ATP6V0D2: variants seen among roughly 807,000 people sequenced by gnomAD.
The protein encoded by ATP6V0D2 is ATPase H+ transporting V0 subunit d2.
In ATP6V0D2, 40 loss-of-function variants were observed where a neutral mutation model predicts 40.0. That is an observed-to-expected ratio of 1.00 (90% CI 0.78 to 1.30). ATP6V0D2 has a LOEUF of 1.30. ATP6V0D2 is among the 50% of genes most tolerant of loss of function. The pLI, the probability that ATP6V0D2 is intolerant of heterozygous loss-of-function variation, is 0.00. For synonymous variants in ATP6V0D2, 179 were observed against 156.3 expected (o/e 1.15, Z -1.08); for missense variants, 470 against 423.1 (o/e 1.11, Z -0.97).
intron 5 of ATP6V0D2, among the ~76,000 whole-genome samples, chr8:86,149,838 G>A (rs1005447085): frequency 1.2e-4 from 18 of 152,102 alleles, no homozygotes; most frequent in African/African-American, 4.3e-4. Context: ...AGACACATGA[G>A]GAATTCATTG....
chr8:86,150,930 T>A (rs1489505157), intron 6 of ATP6V0D2, among the ~76,000 whole-genome samples: 1 of 152,174 alleles, frequency 6.6e-6, no homozygotes, highest in Non-Finnish European at 1.5e-5. Flanking sequence ...AGAATGACAC[T>A]CATCTTTTCC....
intron 2 of ATP6V0D2, among the ~76,000 whole-genome samples, chr8:86,115,357 C>CTTTTTTT (rs1586088786): frequency 2.5e-5 from 2 of 79,500 alleles, no homozygotes; most frequent in African/African-American, 1.2e-4. Flanking sequence ...CCGTATCATC[C>CTTTTTTT]ATTTTTTTTT....
intron 1 of ATP6V0D2, among the ~76,000 whole-genome samples, chr8:86,104,482 A>G (rs1166379928): frequency 6.6e-6 from 1 of 152,230 alleles, no homozygotes; most frequent in Non-Finnish European, 1.5e-5. Flanking sequence ...AAGGGGAAGA[A>G]CCAGGTGTGG....
At chr8:86,115,887 G>A (rs982665987) in intron 2 of ATP6V0D2, among the ~76,000 whole-genome samples, 2 of 151,984 alleles carry the variant, frequency 1.3e-5, no homozygotes, top group African/African-American at 4.8e-5. Context: ...ATCTAAATAC[G>A]GCAAACAGAA....
chr8:86,106,194 G>A lies in ATP6V0D2; in HGVS notation c.130+7086G>A, dbSNP rs116196467. 9.8e-3 allele frequency among the ~76,000 whole-genome samples: 1,486 copies of A among 151,810 alleles called. 24 individuals carry two copies. The highest frequency in any genetic ancestry group is 0.034 in the African/African-American group (1,394 of 41,376). On this transcript the variant is annotated intron_variant, in intron 1 of 7. Transcript: ENST00000285393. ...GCCAGGGAATGCAGTAGTGGGTAGCGTGATCATGGCTCAATGCAGCCTCAA... is the reference window on the plus strand; with the variant it reads ...GCCAGGGAATGCAGTAGTGGGTAGCATGATCATGGCTCAATGCAGCCTCAA...
chr8:86,126,262 A>ATATATATATATATATC (rs1191399026), intron 2 of ATP6V0D2, among the ~76,000 whole-genome samples: 3 of 131,338 alleles, frequency 2.3e-5, no homozygotes, highest in Admixed American at 7.7e-5. Flanking sequence ...ATATATATAT[A>ATATATATATATATATC]TCTTTTTGTA....
At chr8:86,140,911 G>T (rs1818962373) in intron 3 of ATP6V0D2, among the ~76,000 whole-genome samples, 1 of 152,160 alleles carries the variant, frequency 6.6e-6, no homozygotes, top group South Asian at 2.1e-4. Flanking sequence ...ACCAGTGAGA[G>T]CCCTGAGCTT....
At chr8:86,102,159 G>A (rs1257718210) in intron 1 of ATP6V0D2, among the ~76,000 whole-genome samples, 1 of 152,166 alleles carries the variant, frequency 6.6e-6, no homozygotes, top group Non-Finnish European at 1.5e-5. Flanking sequence ...ATAGGTCTGT[G>A]TGGAGTTGAT....
chr8:86,129,906 G>C (rs1212605416), intron 2 of ATP6V0D2, among the ~76,000 whole-genome samples: 1 of 150,800 alleles, frequency 6.6e-6, no homozygotes, highest in East Asian at 1.9e-4. Context: ...GAGCCCAGGA[G>C]GTCGAGGCTG....
At chr8:86,114,314 A>G (rs536177019) in intron 2 of ATP6V0D2, among the ~76,000 whole-genome samples, 3 of 152,290 alleles carry the variant, frequency 2.0e-5, no homozygotes, top group African/African-American at 4.8e-5. Context: ...TGAAAGTTAT[A>G]TATGTTTTAT....
intron 5 of ATP6V0D2, among the ~76,000 whole-genome samples, chr8:86,145,744 A>C (rs778069662): frequency 6.6e-6 from 1 of 152,212 alleles, no homozygotes; most frequent in Non-Finnish European, 1.5e-5. Flanking sequence ...ATTTCTACTC[A>C]GCATAATTCT....
chr8:86,121,572 C>CA (rs1818669674), intron 2 of ATP6V0D2, among the ~76,000 whole-genome samples: 1 of 130,960 alleles, frequency 7.6e-6, no homozygotes, highest in South Asian at 2.6e-4. Flanking sequence ...TCCACCATTT[C>CA]AAAAGAAGGA....
chr8:86,145,143 G>C (rs1193247962), intron 5 of ATP6V0D2, among the ~76,000 whole-genome samples: 1 of 147,768 alleles, frequency 6.8e-6, no homozygotes, highest in Non-Finnish European at 1.5e-5. Context: ...TCTCCAGCTG[G>C]GCAACAGAGT....
At chr8:86,141,796 GGT>G (rs1401873958) in intron 4 of ATP6V0D2, among the ~76,000 whole-genome samples, 1 of 152,150 alleles carries the variant, frequency 6.6e-6, no homozygotes, top group Non-Finnish European at 1.5e-5. Flanking sequence ...GAACATAAAA[GGT>G]GTTTGGATGA....
intron 2 of ATP6V0D2, among the ~76,000 whole-genome samples, chr8:86,129,240 C>A (rs991344861): frequency 2.0e-5 from 3 of 152,218 alleles, no homozygotes; most frequent in Non-Finnish European, 4.4e-5. Flanking sequence ...TTATCTGTTT[C>A]AAAGCCTGGG....
intron 2 of ATP6V0D2, among the ~76,000 whole-genome samples, chr8:86,122,593 GCTCA>G (rs1170870982): frequency 1.3e-5 from 2 of 152,056 alleles, no homozygotes; most frequent in Non-Finnish European, 2.9e-5. Flanking sequence ...CATAACTCTG[GCTCA>G]CTAAGGGCTT....
rs1377134307 is a variant in ATP6V0D2, at chr8:86,141,483, C to T, written c.515C>T (p.Ala172Val). 2 of 1,610,772 alleles carry T rather than the reference C, an allele frequency of 1.2e-6. No individual in the cohort carries two copies. The highest frequency in any genetic ancestry group is 1.7e-6 in the Non-Finnish European group (2 of 1,178,230). Residue 172 changes from alanine to valine, a missense_variant, in exon 4 of 8, where the codon GCT (alanine) becomes GTT (valine). Ala to Val is a moderately conservative substitution (Grantham distance 64). Transcript: ENST00000285393. ...TTCCAAGACTGCATGTCTGAAAATGCTCTAGATGAACTGAATATTGAATTG... is the reference window on the plus strand; with the variant it reads ...TTCCAAGACTGCATGTCTGAAAATGTTCTAGATGAACTGAATATTGAATTG... ...PFFQDCMSENALDELNIELLR... is the reference protein window; with the variant it reads ...PFFQDCMSENVLDELNIELLR...
At chr8:86,123,784 T>C (rs757253511) in intron 2 of ATP6V0D2, among the ~76,000 whole-genome samples, 29 of 152,168 alleles carry the variant, frequency 1.9e-4, no homozygotes, top group Non-Finnish European at 3.2e-4. Flanking sequence ...TCACCCTAAA[T>C]CTCACCATCA....
intron 2 of ATP6V0D2, among the ~76,000 whole-genome samples, chr8:86,116,181 C>T (rs982009653): frequency 6.6e-6 from 1 of 152,182 alleles, no homozygotes; most frequent in African/African-American, 2.4e-5. Flanking sequence ...TTCTTCCCCA[C>T]TCAGTTTCTC....
Sources: allele counts gnomAD v4.1 joint callset (sites outside exome capture counted in the v4.1 genomes callset), GRCh38; gene constraint gnomAD v4.1.1; transcripts MANE v1.5; gene names NCBI Gene and HGNC (gene_info 2026-07-23, HGNC 2026-07-21).